The following ALK variants were observed in gnomAD, a reference collection of about 807,000 sequenced individuals.
The protein encoded by ALK is ALK tyrosine kinase receptor.
Under a neutral mutation model 163.1 loss-of-function variants are expected in ALK, and 74 were observed. The ratio of observed to expected loss-of-function variants is 0.45; its 90% CI spans 0.38 to 0.55. ALK has a LOEUF of 0.55. Ranked by LOEUF, ALK falls within the 20% of genes least tolerant of loss-of-function variation. ALK has a pLI of 0.00. For missense variants in ALK, 2,063 were observed against 2,105.3 expected, an observed-to-expected ratio of 0.98 and a Z score of 0.39; for synonymous variants, 960 against 843.2, an observed-to-expected ratio of 1.14 and a Z score of -2.40.
chr2:29,675,738 T>C (rs1677853757), intron 3 of ALK, among the ~76,000 whole-genome samples: 1 of 152,118 alleles, frequency 6.6e-6, no homozygotes, highest in Admixed American at 6.6e-5. Flanking sequence ...TATACCTTTC[T>C]GAGTATACCT....
intron 3 of ALK, among the ~76,000 whole-genome samples, chr2:29,593,920 CATT>C (rs1558400288): frequency 1.3e-5 from 2 of 152,184 alleles, no homozygotes; most frequent in African/African-American, 2.4e-5. Context: ...TAAATACAGC[CATT>C]ATTAAAATAT....
At chr2:29,228,145 A>G (rs1664070058) in intron 16 of ALK, among the ~76,000 whole-genome samples, 1 of 152,152 alleles carries the variant, frequency 6.6e-6, no homozygotes, top group Non-Finnish European at 1.5e-5. Context: ...GGGCTGGGCT[A>G]TCTTTGGGCT....
chr2:29,302,030 A>G (rs1666387540), intron 8 of ALK, among the ~76,000 whole-genome samples: 1 of 152,230 alleles, frequency 6.6e-6, no homozygotes, highest in African/African-American at 2.4e-5. Flanking sequence ...TCCAGCCAGG[A>G]AGATAGAATT....
intron 9 of ALK, among the ~76,000 whole-genome samples, chr2:29,291,952 A>G (rs1666036282): frequency 6.6e-6 from 1 of 152,226 alleles, no homozygotes. Context: ...TAAAAATTGA[A>G]TAGAAAAAAA....
chr2:29,554,612 G>A lies in ALK; in HGVS notation c.953-22496C>T, dbSNP rs553430331. On this transcript the variant is annotated intron_variant, in intron 3 of 28. Transcript: ENST00000389048. ...AAGATCTGGCAATGTTGGGCCTATTGTTTCTTTTTTGGTGGCAATAAATGG... is the reference window on the plus strand; with the variant it reads ...AAGATCTGGCAATGTTGGGCCTATTATTTCTTTTTTGGTGGCAATAAATGG... Among the ~76,000 whole-genome samples the A allele has an allele frequency of 6.0e-4, 92 of 152,282 alleles. 1 individual carries two copies. Among genetic ancestry groups the A allele is most frequent in the Non-Finnish European group, 1.1e-3 (78 of 68,022 alleles).
At chr2:29,794,852 G>A (rs551134916) in intron 1 of ALK, among the ~76,000 whole-genome samples, 5 of 152,190 alleles carry the variant, frequency 3.3e-5, no homozygotes, top group South Asian at 4.2e-4. Context: ...GAGATATTGC[G>A]AGAATTACCA....
intron 9 of ALK, among the ~76,000 whole-genome samples, chr2:29,296,456 G>A (rs556719924): frequency 2.0e-5 from 3 of 152,338 alleles, no homozygotes; most frequent in African/African-American, 7.2e-5. Flanking sequence ...GATAAGGCCT[G>A]TCCTACCTAC....
At chr2:29,395,093 A>G (rs1573314903) in intron 4 of ALK, among the ~76,000 whole-genome samples, 1 of 152,174 alleles carries the variant, frequency 6.6e-6, no homozygotes, top group Admixed American at 6.5e-5. Context: ...CCCATGCTCA[A>G]ATGATTCCAG....
intron 4 of ALK, among the ~76,000 whole-genome samples, chr2:29,470,605 G>T (rs1475497032): frequency 3.3e-5 from 5 of 152,074 alleles, no homozygotes; most frequent in Admixed American, 3.3e-4. Flanking sequence ...GAAAATGACT[G>T]CCAGCCAAGA....
chr2:29,883,507 C>T (rs566602943), intron 1 of ALK, among the ~76,000 whole-genome samples: 3 of 152,320 alleles, frequency 2.0e-5, no homozygotes, highest in South Asian at 2.1e-4. Context: ...GGTGCTGTGA[C>T]TTGTCTACCA....
intron 7 of ALK, 101 bp from the exon 8 acceptor site, chr2:29,318,505 G>T: frequency 1.2e-6 from 1 of 830,808 alleles, no homozygotes; most frequent in Non-Finnish European, 2.1e-6. Flanking sequence ...CTAGCCTAGG[G>T]ATATCTTTGA....
chr2:29,376,572 A>T (rs941348160), intron 5 of ALK, among the ~76,000 whole-genome samples: 1 of 152,240 alleles, frequency 6.6e-6, no homozygotes, highest in Non-Finnish European at 1.5e-5. Context: ...AGATGAGTGG[A>T]TGCATGGATG....
chr2:29,319,607 C>G (rs1407304147), intron 7 of ALK, among the ~76,000 whole-genome samples: 1 of 152,178 alleles, frequency 6.6e-6, no homozygotes, highest in Non-Finnish European at 1.5e-5. Context: ...GAGCTTGCCT[C>G]CAGGTAAGGA....
At chr2:29,491,311 C>A (rs1197026863) in intron 4 of ALK, among the ~76,000 whole-genome samples, 2 of 152,096 alleles carry the variant, frequency 1.3e-5, no homozygotes, top group East Asian at 3.9e-4. Context: ...TCTCAGAGTG[C>A]CTAGAACAGG....
At chr2:29,209,417 CT>C (rs1669402131) in intron 25 of ALK, among the ~76,000 whole-genome samples, 1 of 151,968 alleles carries the variant, frequency 6.6e-6, no homozygotes, top group Non-Finnish European at 1.5e-5. Context: ...TGGTGCATGC[CT>C]GTAATCCCAG....
rs980534584 is a variant in ALK at position 29,421,365 on chromosome 2, G to A, written c.1155-37506C>T. Reference sequence around the variant, plus strand: ...GAGTCTTGGTACTCATTTCAGCTCCGTTATTGAGTCAGCAGCACAATGTGT... The same window carrying A: ...GAGTCTTGGTACTCATTTCAGCTCCATTATTGAGTCAGCAGCACAATGTGT... On this transcript the variant is annotated intron_variant, in intron 4 of 28. Coordinates refer to ENST00000389048, the MANE Select transcript of ALK (RefSeq NM_004304.5). Among the ~76,000 whole-genome samples the A allele has an allele frequency of 3.2e-4, 48 of 151,510 alleles. 2 individuals are homozygous for A. The highest frequency in any genetic ancestry group is 1.2e-3 in the African/African-American group (47 of 40,848).
intron 3 of ALK, among the ~76,000 whole-genome samples, chr2:29,607,398 C>T (rs1675569147): frequency 1.3e-5 from 2 of 152,120 alleles, no homozygotes; most frequent in African/African-American, 2.4e-5. Flanking sequence ...ATCCAGCTAC[C>T]TCCCACCCAT....
At chr2:29,639,592 G>A (rs1676641860) in intron 3 of ALK, among the ~76,000 whole-genome samples, 1 of 152,142 alleles carries the variant, frequency 6.6e-6, no homozygotes, top group Non-Finnish European at 1.5e-5. Context: ...ATCAAGACTA[G>A]GGCAAAGTTA....
chr2:29,826,285 CT>C (rs951944968), intron 1 of ALK, among the ~76,000 whole-genome samples: 6 of 152,080 alleles, frequency 3.9e-5, no homozygotes, highest in African/African-American at 1.4e-4. Context: ...GATTTTATGA[CT>C]TTTTTGTGTG....
Sources: gnomAD v4.1 joint callset for allele counts (sites outside exome capture counted in the v4.1 genomes callset) on GRCh38, gnomAD v4.1.1 for gene constraint, MANE v1.5 for transcripts, NCBI Gene and HGNC (gene_info 2026-07-23, HGNC 2026-07-21) for gene names.